Variants in ZPBP observed in about 807,000 individuals in gnomAD.
The protein encoded by ZPBP is zona pellucida-binding protein 1.
A neutral mutation model predicts 44.8 loss-of-function variants in ZPBP; 26 were observed. The observed-to-expected ratio is 0.58, with a 90% CI of 0.43 to 0.81. The LOEUF is 0.81. Among genes scored for constraint, ZPBP ranks in the 30% least tolerant of loss-of-function variants. ZPBP has a pLI of 0.00. For missense variants in ZPBP, 409 were observed against 434.0 expected, an observed-to-expected ratio of 0.94 and a Z score of 0.51; for synonymous variants, 174 against 153.2, an observed-to-expected ratio of 1.14 and a Z score of -1.00.
intron 1 of ZPBP, among the ~76,000 whole-genome samples, chr7:50,091,841 A>G (rs1274422136): frequency 6.6e-6 from 1 of 152,252 alleles, no homozygotes; most frequent in East Asian, 1.9e-4. Flanking sequence ...AGACAGGAAT[A>G]GCAAAGTGCA....
At chr7:50,083,702 TGTG>T in intron 2 of ZPBP, among the ~76,000 whole-genome samples, 1 of 151,998 alleles carries the variant, frequency 6.6e-6, no homozygotes, top group South Asian at 2.1e-4. Context: ...CTGATATATA[TGTG>T]GTAGACAAGG....
intron 6 of ZPBP, among the ~76,000 whole-genome samples, chr7:50,009,353 C>A (rs1040883930): frequency 6.6e-6 from 1 of 151,336 alleles, no homozygotes; most frequent in South Asian, 2.1e-4. Flanking sequence ...CCCAGATGGC[C>A]AGGTCCAGCA....
intron 5 of ZPBP, among the ~76,000 whole-genome samples, chr7:50,024,847 T>A (rs560387653): frequency 6.6e-6 from 1 of 151,984 alleles, no homozygotes; most frequent in African/African-American, 2.4e-5. Context: ...GCTCTTACCA[T>A]GGGGTGGAGG....
At chr7:49,904,279 GCCTAAGTGATTTCTTCTTCA>G (rs778977907) in intron 1 of ZPBP, among the ~76,000 whole-genome samples, 3 of 152,106 alleles carry the variant, frequency 2.0e-5, no homozygotes, top group Non-Finnish European at 4.4e-5. Context: ...CTCACTATCT[GCCTAAGTGATTTCTTCTTCA>G]CTCCTGTATT....
chr7:50,018,157 T>C lies in ZPBP; in HGVS notation c.783+83A>G, dbSNP rs1399233535. On this transcript the variant is annotated intron_variant, in intron 6 of 7. Coordinates refer to ENST00000046087, the MANE Select transcript of ZPBP (RefSeq NM_007009.3). ...TTAACTGTGGGGATTCAACGTATTT[T>C]ATAAATAGCTAGGATGCTTACTTAC... 10 of 1,020,370 alleles carry C rather than the reference T, an allele frequency of 9.8e-6. 1 individual carries two copies. The highest frequency in any genetic ancestry group is 3.1e-6 in the Non-Finnish European group (2 of 653,912). The allele number at this position is 1,020,370 out of a possible 1,614,324, so 63.2% of individuals were successfully genotyped here. A position where few individuals can be genotyped will look rare whatever the true frequency, so the allele number is the denominator to read the frequency against.
chr7:49,943,536 C>T, intron 7 of ZPBP: 1 of 396,570 alleles, frequency 2.5e-6, no homozygotes. Context: ...TTCCAAACTG[C>T]CACAGAAGCT....
chr7:50,034,511 A>T (rs1799742450), intron 4 of ZPBP, among the ~76,000 whole-genome samples: 1 of 152,218 alleles, frequency 6.6e-6, no homozygotes, highest in Admixed American at 6.5e-5. Context: ...AATCTAAAAT[A>T]TTCTCAGCTG....
At chr7:49,936,980 T>C (rs901916685), downstream of ZPBP, among the ~76,000 whole-genome samples, 8 of 152,110 alleles carry the variant, frequency 5.3e-5, no homozygotes, top group Non-Finnish European at 4.4e-5. Context: ...AACTGAAAAG[T>C]TTAAGATAGT....
At chr7:49,868,057 C>A (rs887337258) in intron 2 of ZPBP, among the ~76,000 whole-genome samples, 1 of 152,102 alleles carries the variant, frequency 6.6e-6, no homozygotes, top group Non-Finnish European at 1.5e-5. Flanking sequence ...TGGTCTCAAA[C>A]TCCCGACCTC....
At chr7:49,978,640 G>C (rs566535900) in intron 7 of ZPBP, among the ~76,000 whole-genome samples, 24 of 151,906 alleles carry the variant, frequency 1.6e-4, no homozygotes, top group African/African-American at 5.5e-4. Context: ...TGTTTCATGA[G>C]ATACCTCATA....
chr7:49,887,286 C>T (rs971382999), intron 2 of ZPBP, among the ~76,000 whole-genome samples: 3 of 152,108 alleles, frequency 2.0e-5, no homozygotes, highest in Non-Finnish European at 4.4e-5. Flanking sequence ...TTCTCAGCAG[C>T]AATTTTGACT....
At position 50,093,079 on chromosome 7, in the gene ZPBP, A is replaced by G; in HGVS notation, c.116T>C (p.Val39Ala). ...LLFISAFLVR[V>A]PSSVGHLVRL... is the part of the protein sequence containing the mutation. ...GCGCGGACCCTCACCTGATGAGGGC[A>G]CCCGCACCAGGAAGGCGGAGATAAA... Residue 39 changes from valine (V) to alanine (A), a missense_variant, in exon 1 of 8, where the codon GTG (valine) becomes GCG (alanine). Val to Ala is a moderately conservative substitution (Grantham distance 64). Around this residue, in one of 2 missense-constraint regions of ZPBP, gnomAD observed 367 missense variants for 363.1 expected, o/e 1.01. Transcript: ENST00000046087. The G allele has an allele frequency of 1.9e-6, 3 of 1,600,920 alleles. No individual in the cohort carries two copies. In the African/African-American group the frequency reaches 4.0e-5, roughly 22 times the overall value.
intron 7 of ZPBP, 96 bp downstream of exon 7, chr7:49,983,246 T>C: frequency 9.5e-7 from 1 of 1,056,162 alleles, no homozygotes; most frequent in Non-Finnish European, 1.4e-6. Context: ...AATACCTAAA[T>C]GATAGTAAAA....
intron 2 of ZPBP, 60 bp from the exon 3 acceptor site, chr7:50,081,959 A>G (rs1387422245): frequency 6.3e-7 from 1 of 1,577,898 alleles, no homozygotes; most frequent in Non-Finnish European, 8.6e-7. Context: ...TTTCTCTATA[A>G]TGTACACTTT....
chr7:50,014,530 T>A (rs1798733593), intron 6 of ZPBP, among the ~76,000 whole-genome samples: 1 of 150,368 alleles, frequency 6.7e-6, no homozygotes, highest in South Asian at 2.1e-4. Flanking sequence ...AGTGGTGTGA[T>A]CTTGGCTCAC....
At chr7:49,909,262 A>G (rs1475257833) in intron 1 of ZPBP, among the ~76,000 whole-genome samples, 2 of 152,222 alleles carry the variant, frequency 1.3e-5, no homozygotes, top group Non-Finnish European at 2.9e-5. Flanking sequence ...GCACGATGAC[A>G]GATATTAGGG....
chr7:49,862,870 C>T (rs1790713920), intron 2 of ZPBP, among the ~76,000 whole-genome samples: 1 of 152,068 alleles, frequency 6.6e-6, no homozygotes, highest in Non-Finnish European at 1.5e-5. Flanking sequence ...ATTCACTTTG[C>T]TACTGTTTCA....
At chr7:49,858,816 A>G (rs1051750452) in intron 2 of ZPBP, among the ~76,000 whole-genome samples, 4 of 152,206 alleles carry the variant, frequency 2.6e-5, no homozygotes, top group Non-Finnish European at 5.9e-5. Context: ...CTTATTTTTT[A>G]TGTTTATAAA....
At chr7:49,942,127 A>C (rs1237089014) in intron 7 of ZPBP, 1 of 153,850 alleles carries the variant, frequency 6.5e-6, no homozygotes, top group Non-Finnish European at 1.5e-5. Context: ...CAAGGACTTA[A>C]GAGCTAAAAC....
Sources: allele counts gnomAD v4.1 joint callset (sites outside exome capture counted in the v4.1 genomes callset), GRCh38; gene constraint gnomAD v4.1.1; regional missense constraint gnomAD v4.1.1; transcripts MANE v1.5; gene names NCBI Gene and HGNC (gene_info 2026-07-23, HGNC 2026-07-21).